RRBP1: variants seen among roughly 807,000 people sequenced by gnomAD.
The protein encoded by RRBP1 is ribosome binding protein 1.
In RRBP1, 94 loss-of-function variants were observed where a neutral mutation model predicts 165.2. That is an observed-to-expected ratio of 0.57 (90% CI 0.48 to 0.68). The LOEUF is 0.68. Ranked by LOEUF, RRBP1 falls within the 30% of genes least tolerant of loss-of-function variation. RRBP1 has a pLI of 0.00. For synonymous variants in RRBP1, 680 were observed against 714.5 expected, an observed-to-expected ratio of 0.95 and a Z score of 0.77; for missense variants, 1,676 against 1,763.0, an observed-to-expected ratio of 0.95 and a Z score of 0.88.
At position 17,665,210 on chromosome 20, in the gene RRBP1, C is replaced by T. The variant is rs963620499; in HGVS notation, c.-21-4682G>A. On this transcript the variant is annotated intron_variant, in intron 2 of 24. Coordinates refer to ENST00000377813, the MANE Select transcript of RRBP1 (RefSeq NM_001365613.2). The stretch of plus-strand genomic sequence containing the variant: ...ATGGGCCACTTACCACTTCCACCTG[C>T]TTTTGCTTCTATTACATGTATCTAT... Among the ~76,000 whole-genome samples, 7 of 152,200 alleles carry T rather than the reference C, an allele frequency of 4.6e-5. No individual in the cohort carries two copies. In the East Asian group the frequency reaches 1.4e-3, roughly 29 times the overall value.
intron 5 of RRBP1, among the ~76,000 whole-genome samples, chr20:17,641,225 G>A (rs1371389101): frequency 6.6e-6 from 1 of 152,222 alleles, no homozygotes; most frequent in African/African-American, 2.4e-5. Context: ...CCCGTCCTAT[G>A]GCAGCACCAA....
intron 15 of RRBP1, 63 bp downstream of exon 15, chr20:17,621,627 C>A: frequency 6.3e-7 from 1 of 1,588,674 alleles, no homozygotes; most frequent in Non-Finnish European, 8.6e-7. Context: ...TGACTTGGGG[C>A]AGCCCCTCTT....
At chr20:17,675,908 G>A (rs1002425948) in intron 2 of RRBP1, among the ~76,000 whole-genome samples, 5 of 152,196 alleles carry the variant, frequency 3.3e-5, no homozygotes, top group Non-Finnish European at 7.3e-5. Context: ...GAAATAACCC[G>A]GGGCAGAGGT....
chr20:17,629,451 C>T (rs933878150), intron 9 of RRBP1, among the ~76,000 whole-genome samples: 29 of 152,326 alleles, frequency 1.9e-4, no homozygotes, highest in African/African-American at 6.7e-4. Flanking sequence ...CTCAGGATCT[C>T]CCTGGTTCAT....
In RRBP1 at chr20:17,659,864, G is replaced by C; in HGVS notation, c.644C>G (p.Ala215Gly). 1 of 1,551,930 alleles carries C rather than the reference G, an allele frequency of 6.4e-7. No homozygotes were observed. Reference sequence around the variant, plus strand: ...CTCTGCCTTTCTGCCCTGGTTTGGGGCTCCTTCAGCCTTTTTGCTTTGATT... The same window carrying C: ...CTCTGCCTTTCTGCCCTGGTTTGGGCCTCCTTCAGCCTTTTTGCTTTGATT... The part of the protein sequence containing the change: ...TQNQSKKAEG[A>G]PNQGRKAEGT... Residue 215 changes from alanine to glycine, a missense_variant, in exon 3 of 25, where the codon GCC becomes GGC. By Grantham distance (60) the Ala-to-Gly change is moderately conservative (BLOSUM62 0). Transcript: ENST00000377813.
intron 3 of RRBP1, among the ~76,000 whole-genome samples, chr20:17,650,162 TAA>T (rs78270297): frequency 2.1e-5 from 3 of 141,910 alleles, no homozygotes; most frequent in Non-Finnish European, 3.1e-5. Context: ...TTCTTCTCCA[TAA>T]AAAAAAAAAA....
chr20:17,641,990 G>T, intron 4 of RRBP1, 71 bp from the exon 5 acceptor site: 1 of 1,525,502 alleles, frequency 6.6e-7, no homozygotes, highest in Non-Finnish European at 9.0e-7. Context: ...CCCCGGACAA[G>T]AGCAGAGGCC....
intron 9 of RRBP1, among the ~76,000 whole-genome samples, chr20:17,628,023 T>C (rs999075519): frequency 1.3e-5 from 2 of 152,056 alleles, no homozygotes; most frequent in Admixed American, 6.5e-5. Flanking sequence ...AGACCAGAAG[T>C]TCCTTAGAAA....
chr20:17,673,168 C>T (rs916022868), intron 2 of RRBP1, among the ~76,000 whole-genome samples: 5 of 152,166 alleles, frequency 3.3e-5, no homozygotes, highest in African/African-American at 4.8e-5. Flanking sequence ...TTGGAAAACG[C>T]GCCCCACAGA....
chr20:17,681,099 G>C (rs1468640214), intron 1 of RRBP1, among the ~76,000 whole-genome samples: 2 of 151,630 alleles, frequency 1.3e-5, no homozygotes, highest in Non-Finnish European at 2.9e-5. Flanking sequence ...AGCCGGCCGG[G>C]CCGGGGCGGG....
chr20:17,660,579 A>C, intron 2 of RRBP1, 51 bp from the exon 3 acceptor site: 3 of 1,089,336 alleles, frequency 2.8e-6, no homozygotes, highest in Non-Finnish European at 4.1e-6. Flanking sequence ...GGCCTTCAAC[A>C]GTTTCTATCC....
intron 13 of RRBP1, chr20:17,622,897 T>C (rs1431122688): frequency 6.6e-6 from 1 of 152,054 alleles, no homozygotes; most frequent in Non-Finnish European, 1.5e-5. Flanking sequence ...AGTCCTGGAA[T>C]GTGCATGAAG....
rs954602615 is a variant in RRBP1 at position 17,682,226 on chromosome 20, G to A, written c.-297C>T. 3.3e-5 allele frequency: 5 copies of A among 152,412 alleles called. No individual in the cohort carries two copies. The highest frequency in any genetic ancestry group is 2.6e-4 in the Admixed American group (4 of 15,302). The allele number at this position is 152,412 out of a possible 1,614,324, so 9.4% of individuals were successfully genotyped here. A position where few individuals can be genotyped will look rare whatever the true frequency, so the allele number is the denominator to read the frequency against. On this transcript the variant is annotated 5_prime_UTR_variant, in exon 1 of 25. Transcript: ENST00000377813. ...CTCGCTGGCTGCGTGCGCGCGTGTG[G>A]AGTCGTGGCACTTTCTGCCTCAGAG...
chr20:17,614,937 A>C (rs1600720848), intron 23 of RRBP1, 57 bp from the exon 24 acceptor site: 1 of 1,588,900 alleles, frequency 6.3e-7, no homozygotes, highest in Non-Finnish European at 8.6e-7. Context: ...GGGCCACCCC[A>C]GCTATGCCCA....
At chr20:17,652,828 T>C (rs2036582104) in intron 3 of RRBP1, among the ~76,000 whole-genome samples, 1 of 152,170 alleles carries the variant, frequency 6.6e-6, no homozygotes, top group Non-Finnish European at 1.5e-5. Flanking sequence ...CCAGGCAACA[T>C]GGTCACAGCC....
intron 4 of RRBP1, 77 bp downstream of exon 4, chr20:17,642,902 G>T: frequency 6.8e-7 from 1 of 1,465,918 alleles, no homozygotes; most frequent in Non-Finnish European, 9.4e-7. Context: ...TGTCCTCTCT[G>T]TGGCAGAGGG....
chr20:17,655,627 A>G (rs1054468182), intron 3 of RRBP1, among the ~76,000 whole-genome samples: 1 of 152,140 alleles, frequency 6.6e-6, no homozygotes, highest in Admixed American at 6.5e-5. Context: ...CACCCCAGCC[A>G]CTCACCCACA....
At chr20:17,681,010 G>A (rs923156559) in intron 1 of RRBP1, among the ~76,000 whole-genome samples, 2 of 152,048 alleles carry the variant, frequency 1.3e-5, no homozygotes, top group East Asian at 1.9e-4. Flanking sequence ...CATTCGGAGA[G>A]GGGTCCCTGA....
chr20:17,619,161 A>C (rs1038878016), intron 19 of RRBP1: 1 of 178,238 alleles, frequency 5.6e-6, no homozygotes, highest in African/African-American at 2.4e-5. Context: ...GGCCTCGAGC[A>C]ATCCACCTCA....
Sources: gnomAD v4.1 joint callset for allele counts (sites outside exome capture counted in the v4.1 genomes callset) on GRCh38, gnomAD v4.1.1 for gene constraint, MANE v1.5 for transcripts, NCBI Gene and HGNC (gene_info 2026-07-23, HGNC 2026-07-21) for gene names.